Variants in CD81 observed in about 807,000 individuals in gnomAD.
CD81 encodes the protein CD81 molecule.
A neutral mutation model predicts 30.1 loss-of-function variants in CD81; 10 were observed. That is an observed-to-expected ratio of 0.33 (90% CI 0.21 to 0.56). The LOEUF is 0.56. CD81 is among the 20% of genes least tolerant of loss of function. The pLI is 0.89. For synonymous variants in CD81, 147 were observed against 126.4 expected, an observed-to-expected ratio of 1.16 and a Z score of -1.10; for missense variants, 263 against 308.7, an observed-to-expected ratio of 0.85 and a Z score of 1.11.
chr11:2,385,765 A>G lies in CD81; in HGVS notation c.67-4647A>G, dbSNP rs1021810514. On this transcript the variant is annotated intron_variant, in intron 1 of 7. Transcript: ENST00000263645. ...TATTGCCGGGCAGGGTTGCACCCAC[A>G]TGTGCAAGCCAGCGACGGACCCCAG... 3 of 557,392 alleles carry G rather than the reference A, an allele frequency of 5.4e-6. No homozygotes were observed. The African/African-American group carries it at 5.6e-5, about 10-fold the overall frequency. The allele number at this position is 557,392 out of a possible 1,614,324, so 34.5% of individuals were successfully genotyped here.
At chr11:2,386,377 A>G in intron 1 of CD81, 1 of 631,860 alleles carries the variant, frequency 1.6e-6, no homozygotes. Context: ...GGGAACCTCT[A>G]GCCCTGCCAC....
In CD81 at chr11:2,396,923, C is replaced by T. The variant is rs1850021791; in HGVS notation, c.*57C>T. ...CAGTGCCCCCTAAGTGACCCGGACA[C>T]TTCCGAGGGGGCCATCACCGCCTGT... On this transcript the variant is annotated 3_prime_UTR_variant, in exon 8 of 8. Transcript: ENST00000263645. 2 of 1,508,058 alleles carry T rather than the reference C, an allele frequency of 1.3e-6. No homozygotes were observed. Among genetic ancestry groups the T allele is most frequent in the East Asian group, 2.3e-5 (1 of 44,260 alleles). 93.4% of individuals were successfully genotyped at this position (1,508,058 alleles called of 1,614,324 possible).
chr11:2,377,910 G>A lies in CD81; in HGVS notation c.66+295G>A, dbSNP rs573425708. On this transcript the variant is annotated intron_variant, in intron 1 of 7. Transcript: ENST00000263645. This position sits in a 1 kb window ranked among gnomAD's most constrained non-coding sequence, Gnocchi z 7.7. ...AGTTCCCGCTGTGGTGGTGATGGGT[G>A]CGGTGGTCGCGGGTCGGGACCCGAG... The A allele has an allele frequency of 2.4e-3, 434 of 183,900 alleles. 2 individuals are homozygous for A. Among genetic ancestry groups the A allele is most frequent in the African/African-American group, 9.6e-3 (406 of 42,464 alleles). 11.4% of individuals were successfully genotyped at this position (183,900 alleles called of 1,614,324 possible).
At chr11:2,387,696 G>A (rs139810812) in intron 1 of CD81, among the ~76,000 whole-genome samples, 1 of 152,282 alleles carries the variant, frequency 6.6e-6, no homozygotes, top group African/African-American at 2.4e-5. Flanking sequence ...GTCATGTGAG[G>A]GGCACACGTG....
Position 2,377,626 on chromosome 11 carries a change from C to T in CD81, c.66+11C>T, listed in dbSNP as rs1273204083. 2.6e-6 allele frequency: 4 copies of T among 1,521,136 alleles called. No individual in the cohort carries two copies. In the African/African-American group the frequency reaches 4.3e-5, roughly 16 times the overall value. 94.2% of individuals were successfully genotyped at this position (1,521,136 alleles called of 1,614,324 possible). On this transcript the variant is annotated intron_variant, in intron 1 of 7. Coordinates refer to ENST00000263645, the MANE Select transcript of CD81 (RefSeq NM_004356.4). This position sits in a 1 kb window ranked among gnomAD's most constrained non-coding sequence, Gnocchi z 7.7. ...AATTTCGTCTTCTGGGTAAGGGCTG[C>T]GCCGGGGGCCGGGGCGGGAGGGGGC...
chr11:2,390,500 A>G lies in CD81; in HGVS notation c.155A>G (p.Lys52Arg). ...CTCCTGTATCTGGAGCTGGGAGACAAGCCCGCGCCCAACACCTTCTATGTA... is the reference window on the plus strand; with the variant it reads ...CTCCTGTATCTGGAGCTGGGAGACAGGCCCGCGCCCAACACCTTCTATGTA... The part of the protein sequence containing the change: ...TNLLYLELGD[K>R]PAPNTFYVGI... The change falls in exon 2 of 8, where the codon AAG becomes AGG. Residue 52 changes from lysine to arginine, a missense_variant. Transcript: ENST00000263645. The G allele has an allele frequency of 6.2e-7, 1 of 1,612,886 alleles. No individual in the cohort carries two copies. Among genetic ancestry groups the G allele is most frequent in the Non-Finnish European group, 8.5e-7 (1 of 1,179,876 alleles).
At position 2,378,523 on chromosome 11, in the gene CD81, T is replaced by G. The variant is rs887313024; in HGVS notation, c.66+908T>G. On this transcript the variant is annotated intron_variant, in intron 1 of 7. Transcript: ENST00000263645. The surrounding 1 kb of genome is among the most constrained non-coding windows in gnomAD (Gnocchi z 4.9). ...GGAGGGTCTTTTGCTGAGAATGGCT[T>G]TCTCCTGACCGCAGTCTTTGCTGCT... Among the ~76,000 whole-genome samples, 1 of 152,180 alleles carries G rather than the reference T, an allele frequency of 6.6e-6. No individual in the cohort carries two copies. The highest frequency in any genetic ancestry group is 1.5e-5 in the Non-Finnish European group (1 of 68,026).
intron 2 of CD81, chr11:2,392,793 G>A (rs1317611390): frequency 1.3e-5 from 2 of 152,326 alleles, no homozygotes; most frequent in Non-Finnish European, 2.9e-5. Context: ...AGGCCCAAGG[G>A]CGTTAAGAGA....
intron 1 of CD81, among the ~76,000 whole-genome samples, chr11:2,383,113 G>A (rs1211668719): frequency 2.6e-5 from 4 of 152,188 alleles, no homozygotes; most frequent in Non-Finnish European, 5.9e-5. Flanking sequence ...CAGCATCCTC[G>A]CCTGACACCT....
At chr11:2,380,304 TAGA>T (rs750727855) in intron 1 of CD81, among the ~76,000 whole-genome samples, 8 of 152,116 alleles carry the variant, frequency 5.3e-5, no homozygotes, top group East Asian at 3.9e-4. Context: ...GGGCACTTGT[TAGA>T]AGTTCCATTT....
At chr11:2,392,058 A>C (rs1371273205) in intron 2 of CD81, 1 of 152,272 alleles carries the variant, frequency 6.6e-6, no homozygotes. Context: ...GGCTGCCCCC[A>C]GCACGTTCCT....
intron 3 of CD81, among the ~76,000 whole-genome samples, chr11:2,394,590 T>C (rs1849963417): frequency 6.6e-6 from 1 of 151,604 alleles, no homozygotes; most frequent in African/African-American, 2.4e-5. Flanking sequence ...ATCCCATGGC[T>C]CCCCCTTCCG....
intron 1 of CD81, among the ~76,000 whole-genome samples, chr11:2,388,780 CT>C (rs1445302540): frequency 1.3e-5 from 2 of 152,194 alleles, no homozygotes; most frequent in East Asian, 3.9e-4. Flanking sequence ...TCCTGTCCCC[CT>C]GCCTCCTCCT....
intron 2 of CD81, 144 bp from the exon 3 acceptor site, chr11:2,393,951 T>G (rs899976817): frequency 9.7e-6 from 7 of 720,750 alleles, no homozygotes; most frequent in Non-Finnish European, 1.8e-5. Context: ...GGATGTGAGG[T>G]CCCTTGCTGC....
intron 1 of CD81, among the ~76,000 whole-genome samples, chr11:2,387,535 GC>G (rs955924154): frequency 2.0e-5 from 3 of 152,308 alleles, no homozygotes; most frequent in Admixed American, 2.0e-4. Context: ...GCTCTCTGGG[GC>G]CACCCCCCAG....
chr11:2,382,270 G>A (rs1396148992), intron 1 of CD81, among the ~76,000 whole-genome samples: 1 of 152,268 alleles, frequency 6.6e-6, no homozygotes, highest in African/African-American at 2.4e-5. Context: ...GGAGTTGGCG[G>A]TAGGGCTGGG....
In CD81 at chr11:2,380,202, C is replaced by T. The variant is rs527290073; in HGVS notation, c.66+2587C>T. 7.9e-5 allele frequency among the ~76,000 whole-genome samples: 12 copies of T among 152,174 alleles called. No individual in the cohort carries two copies. The East Asian group carries it at 1.7e-3, about 22-fold the overall frequency. On this transcript the variant is annotated intron_variant, in intron 1 of 7. Coordinates refer to ENST00000263645, the MANE Select transcript of CD81 (RefSeq NM_004356.4). ...AGGATGTGCAGTGGGGAAGGGGCTG[C>T]GGGAACCCTGCAGGGTCCAGAAGGA...
intron 1 of CD81, 55 bp from the exon 2 acceptor site, chr11:2,390,357 C>A (rs1044521520): frequency 1.5e-5 from 20 of 1,378,980 alleles, no homozygotes; most frequent in Non-Finnish European, 2.0e-5. Flanking sequence ...GGGGTGGGCG[C>A]ACTCCCTGCT....
chr11:2,386,569 C>T, intron 1 of CD81: 1 of 717,210 alleles, frequency 1.4e-6, no homozygotes, highest in Non-Finnish European at 2.6e-6. Flanking sequence ...AGCTCAAGGT[C>T]CCTGCTGAAG....
Sources: gnomAD v4.1 joint callset for allele counts (sites outside exome capture counted in the v4.1 genomes callset) on GRCh38, gnomAD v4.1.1 for gene constraint, Gnocchi (gnomAD v3.1) non-coding constraint, MANE v1.5 for transcripts, NCBI Gene and HGNC (gene_info 2026-07-23, HGNC 2026-07-21) for gene names.